Variants in GIGYF2 observed in about 807,000 individuals in gnomAD.
GIGYF2 encodes GRB10 interacting GYF protein 2.
Under a neutral mutation model 208.1 loss-of-function variants are expected in GIGYF2, and 25 were observed. That is an observed-to-expected ratio of 0.12 (90% confidence interval 0.09 to 0.17). The LOEUF (loss-of-function observed/expected upper bound fraction) is 0.17. Among genes scored for constraint, GIGYF2 ranks in the 10% least tolerant of loss-of-function variants. The pLI is 1.00. For synonymous variants in GIGYF2, 534 were observed against 543.8 expected (o/e 0.98, Z 0.25); for missense variants, 1,302 against 1,579.4 (o/e 0.82, Z 2.98).
chr2:232,740,913 G>A (rs1319139824), intron 3 of GIGYF2, among the ~76,000 whole-genome samples: 1 of 152,184 alleles, frequency 6.6e-6, no homozygotes, highest in Non-Finnish European at 1.5e-5. Context: ...GTGTATTTTG[G>A]AAGCAAATAT....
chr2:232,814,899 G>T (rs1700864773), intron 18 of GIGYF2, among the ~76,000 whole-genome samples: 1 of 152,154 alleles, frequency 6.6e-6, no homozygotes, highest in African/African-American at 2.4e-5. Context: ...GACTATGATA[G>T]GAATGTAGAA....
At chr2:232,706,400 T>C (rs1205205887) in intron 2 of GIGYF2, among the ~76,000 whole-genome samples, 1 of 152,188 alleles carries the variant, frequency 6.6e-6, no homozygotes, top group Non-Finnish European at 1.5e-5. Flanking sequence ...TCCCAGCATG[T>C]TGGGAGGTTG....
At chr2:232,813,208 GAGAC>G (rs1399311700) in intron 18 of GIGYF2, among the ~76,000 whole-genome samples, 1 of 52,674 alleles carries the variant, frequency 1.9e-5, no homozygotes, top group Non-Finnish European at 3.6e-5. Flanking sequence ...TTTTTTTTTT[GAGAC>G]AGACTCTTGC....
Position 232,857,170 on chromosome 2 carries a change from C to A in GIGYF2, c.*310C>A. 2.2e-6 allele frequency: 1 copy of A among 462,416 alleles called. No individual in the cohort carries two copies. Among genetic ancestry groups the A allele is most frequent in the East Asian group, 4.1e-5 (1 of 24,486 alleles). The allele number at this position is 462,416 out of a possible 1,614,324, so 28.6% of individuals were successfully genotyped here. ...TGCTGTGATTTCATCTACTGTCTCC[C>A]AGAAAGTGTGTTGGGATCGGCCATT... On this transcript the variant is annotated 3_prime_UTR_variant, in exon 29 of 29. Transcript: ENST00000373563.
chr2:232,819,650 G>A (rs536813543), intron 20 of GIGYF2, among the ~76,000 whole-genome samples, 177 bp from the exon 21 acceptor site: 12 of 152,038 alleles, frequency 7.9e-5, no homozygotes, highest in Middle Eastern at 3.4e-3. Flanking sequence ...ATTGTAATGC[G>A]TCCAATTCCC....
At chr2:232,722,016 C>T (rs1235528488) in intron 2 of GIGYF2, among the ~76,000 whole-genome samples, 1 of 152,174 alleles carries the variant, frequency 6.6e-6, no homozygotes, top group East Asian at 1.9e-4. Flanking sequence ...CTAAATCACA[C>T]TTCTGCCAGC....
At chr2:232,838,444 C>G (rs902578798) in intron 22 of GIGYF2, among the ~76,000 whole-genome samples, 2 of 152,140 alleles carry the variant, frequency 1.3e-5, no homozygotes, top group African/African-American at 4.8e-5. Context: ...GAGGCACTGC[C>G]TCTATTCCCA....
At chr2:232,848,799 C>T (rs1315891412) in intron 27 of GIGYF2, among the ~76,000 whole-genome samples, 2 of 152,170 alleles carry the variant, frequency 1.3e-5, no homozygotes, top group African/African-American at 2.4e-5. Flanking sequence ...CCTTTAGCAT[C>T]TCATGTTTTT....
intron 21 of GIGYF2, among the ~76,000 whole-genome samples, chr2:232,830,762 G>T (rs1194920687): frequency 6.6e-6 from 1 of 152,018 alleles, no homozygotes; most frequent in Non-Finnish European, 1.5e-5. Flanking sequence ...CAGAAGGATC[G>T]CTGAGGCCAG....
At chr2:232,813,187 C>CTTTTTTTTTTT (rs894736273) in intron 18 of GIGYF2, among the ~76,000 whole-genome samples, 1 of 123,878 alleles carries the variant, frequency 8.1e-6, no homozygotes. Context: ...TCTTTGCTTT[C>CTTTTTTTTTTT]TTTTTTTTTT....
intron 2 of GIGYF2, among the ~76,000 whole-genome samples, chr2:232,714,391 G>T (rs941302375): frequency 3.3e-5 from 5 of 152,048 alleles, no homozygotes; most frequent in African/African-American, 1.2e-4. Flanking sequence ...TTTAACATCT[G>T]TTTTAATACC....
chr2:232,717,849 C>A (rs1385176728), intron 2 of GIGYF2, among the ~76,000 whole-genome samples: 2 of 152,020 alleles, frequency 1.3e-5, no homozygotes, highest in African/African-American at 2.4e-5. Flanking sequence ...GGCACCAAGG[C>A]ATTCATGAGG....
intron 1 of GIGYF2, among the ~76,000 whole-genome samples, chr2:232,698,813 AG>A (rs1695720192): frequency 6.6e-6 from 1 of 152,220 alleles, no homozygotes; most frequent in African/African-American, 2.4e-5. Context: ...TTCACCAGAA[AG>A]GAGAGGGCTT....
At chr2:232,780,842 A>T (rs985803617) in intron 8 of GIGYF2, among the ~76,000 whole-genome samples, 31 of 152,206 alleles carry the variant, frequency 2.0e-4, no homozygotes, top group African/African-American at 7.2e-4. Context: ...TCTCTCACTC[A>T]TTTTAGTCTC....
chr2:232,720,585 T>TA (rs772814342), intron 2 of GIGYF2, among the ~76,000 whole-genome samples: 11,966 of 126,298 alleles, frequency 0.095, 602 homozygotes, highest in Middle Eastern at 0.13. Flanking sequence ...ATATATATAT[T>TA]TTTGTTTGTT....
At position 232,806,569 on chromosome 2, in the gene GIGYF2, G is replaced by T. The variant is rs1246991991; in HGVS notation, c.1718G>T (p.Cys573Phe). The T allele has an allele frequency of 6.2e-7, 1 of 1,611,182 alleles. No homozygotes were observed. Among genetic ancestry groups the T allele is most frequent in the Non-Finnish European group, 8.5e-7 (1 of 1,177,338 alleles). The stretch of plus-strand genomic sequence containing the variant: ...ATGTCTTTATTGGTGAAGAGAGCGT[G>T]TGATGAAAGCTTCCAACCTCTTGGC... ...FTMSLLVKRA[C>F]DESFQPLGDI... Residue 573 changes from cysteine to phenylalanine, a missense_variant, in exon 15 of 29, where the codon TGT becomes TTT. Physicochemically the swap from Cys to Phe is radical, Grantham distance 205. Around this residue, in one of 8 missense-constraint regions of GIGYF2, gnomAD observed 69 missense variants for 132.8 expected, o/e 0.52. Transcript: ENST00000373563. This position sits in a 1 kb window ranked among gnomAD's most constrained non-coding sequence, Gnocchi z 4.0.
intron 21 of GIGYF2, among the ~76,000 whole-genome samples, chr2:232,828,187 A>C (rs1388515972): frequency 1.3e-5 from 2 of 152,076 alleles, no homozygotes; most frequent in Non-Finnish European, 2.9e-5. Flanking sequence ...GGGTTTCGCC[A>C]TGTTGCCCAG....
chr2:232,715,698 A>G (rs957393240), intron 2 of GIGYF2, among the ~76,000 whole-genome samples: 1 of 152,166 alleles, frequency 6.6e-6, no homozygotes, highest in African/African-American at 2.4e-5. Context: ...TTAACAGATC[A>G]TATTTTAAAA....
chr2:232,769,122 G>A (rs1238699088), intron 8 of GIGYF2, among the ~76,000 whole-genome samples: 1 of 152,048 alleles, frequency 6.6e-6, no homozygotes, highest in African/African-American at 2.4e-5. Context: ...ATTCCTGCCT[G>A]TGCTTAAAAA....
Sources: allele counts gnomAD v4.1 joint callset (sites outside exome capture counted in the v4.1 genomes callset), GRCh38; gene constraint gnomAD v4.1.1; regional missense constraint gnomAD v4.1.1; non-coding constraint Gnocchi (gnomAD v3.1); transcripts MANE v1.5; gene names NCBI Gene and HGNC (gene_info 2026-07-23, HGNC 2026-07-21).